SLC4A8: variants seen among roughly 807,000 people sequenced by gnomAD.
SLC4A8 encodes the protein electroneutral sodium bicarbonate exchanger 1.
A neutral mutation model predicts 125.0 loss-of-function variants in SLC4A8; 40 were observed. The ratio of observed to expected loss-of-function variants is 0.32; its 90% confidence interval spans 0.25 to 0.42. The LOEUF (loss-of-function observed/expected upper bound fraction) is 0.42. SLC4A8 is among the 10% of genes least tolerant of loss of function. The pLI, the probability that SLC4A8 is intolerant of heterozygous loss-of-function variation, is 1.00. For synonymous variants in SLC4A8, 456 were observed against 476.0 expected (o/e 0.96, Z 0.55); for missense variants, 863 against 1,355.1 (o/e 0.64, Z 5.70).
In SLC4A8 at chr12:51,453,469, C is replaced by T. The variant is rs1034119496; in HGVS notation, c.414-70C>T. ...TCCAGATATCTTCCTCTGTGGCTCA[C>T]ATCGAAGATTCTCTCTTAAAAATTC... is the stretch of plus-strand genomic sequence containing the variant. On this transcript the variant is annotated intron_variant, in intron 4 of 24. Coordinates refer to ENST00000453097, the MANE Select transcript of SLC4A8 (RefSeq NM_001039960.3). The T allele has an allele frequency of 1.5e-5, 22 of 1,473,606 alleles. No individual in the cohort carries two copies. In the African/African-American group the frequency reaches 3.1e-4, roughly 20 times the overall value. 91.3% of individuals were successfully genotyped at this position (1,473,606 alleles called of 1,614,324 possible).
At chr12:51,401,139 G>C (rs752808758) in intron 1 of SLC4A8, among the ~76,000 whole-genome samples, 1 of 152,050 alleles carries the variant, frequency 6.6e-6, no homozygotes, top group Non-Finnish European at 1.5e-5. Context: ...GAGACGGAGC[G>C]TTCCTCTGTC....
chr12:51,428,033 C>T (rs1949058249), intron 1 of SLC4A8, among the ~76,000 whole-genome samples: 1 of 152,200 alleles, frequency 6.6e-6, no homozygotes, highest in Admixed American at 6.5e-5. Context: ...CCTCCACTCT[C>T]TTTCTTGCAC....
In SLC4A8 at chr12:51,458,662, G is replaced by T; in HGVS notation, c.855+12G>T. 2 of 1,598,760 alleles carry T rather than the reference G, an allele frequency of 1.3e-6. No individual in the cohort carries two copies. Among genetic ancestry groups the T allele is most frequent in the Non-Finnish European group, 1.7e-6 (2 of 1,166,256 alleles). ...TGGATTTAAGCAAGGTGAGCAGAGT[G>T]GTGGGAAGTTGGCTTCAAGGCCTAA... On this transcript the variant is annotated intron_variant, in intron 7 of 24. Transcript: ENST00000453097.
chr12:51,461,394 T>C, intron 9 of SLC4A8, 103 bp downstream of exon 9: 1 of 714,372 alleles, frequency 1.4e-6, no homozygotes, highest in South Asian at 1.6e-5. Flanking sequence ...ATACTTTCCA[T>C]TGCAATATCT....
chr12:51,453,430 G>A (rs1399138195), intron 4 of SLC4A8, 109 bp from the exon 5 acceptor site: 2 of 1,126,262 alleles, frequency 1.8e-6, no homozygotes, highest in African/African-American at 1.6e-5. Context: ...ATTTTACAAT[G>A]TTCAGTATGA....
intron 22 of SLC4A8, among the ~76,000 whole-genome samples, chr12:51,503,506 C>T (rs907028799): frequency 3.9e-5 from 6 of 152,178 alleles, no homozygotes; most frequent in South Asian, 2.1e-4. Flanking sequence ...CCACCATGCC[C>T]GGCCTACCTT....
intron 8 of SLC4A8, among the ~76,000 whole-genome samples, chr12:51,460,997 C>T (rs544579654): frequency 6.6e-6 from 1 of 152,148 alleles, no homozygotes; most frequent in South Asian, 2.1e-4. Context: ...AATGATGCCG[C>T]ACAATAGCTT....
At chr12:51,404,360 C>G (rs1948450168) in intron 1 of SLC4A8, among the ~76,000 whole-genome samples, 1 of 152,294 alleles carries the variant, frequency 6.6e-6, no homozygotes. Flanking sequence ...TAGGGAACTA[C>G]CTTCCTTTGA....
chr12:51,473,417 G>T lies in SLC4A8; in HGVS notation c.1905-925G>T, dbSNP rs556608231. Among the ~76,000 whole-genome samples, 237 of 152,224 alleles carry T rather than the reference G, an allele frequency of 1.6e-3. 1 individual carries two copies. Among genetic ancestry groups the T allele is most frequent in the Admixed American group, 2.5e-3 (39 of 15,300 alleles). ...GTACTGAATAATATTCCATTGTCTG[G>T]ATGTACCACAGTTTAATTATTTGGA... On this transcript the variant is annotated intron_variant, in intron 14 of 24. Transcript: ENST00000453097.
In SLC4A8 at chr12:51,513,931, A is replaced by C. The variant is rs977980879; in HGVS notation, c.*6493A>C. The C allele has an allele frequency of 1.3e-5, 2 of 152,050 alleles. No individual in the cohort carries two copies. Among genetic ancestry groups the C allele is most frequent in the African/African-American group, 4.8e-5 (2 of 41,378 alleles). 9.4% of individuals were successfully genotyped at this position (152,050 alleles called of 1,614,324 possible). A position where few individuals can be genotyped will look rare whatever the true frequency, so the allele number is the denominator to read the frequency against. On this transcript the variant is annotated 3_prime_UTR_variant, in exon 25 of 25. Coordinates refer to ENST00000453097, the MANE Select transcript of SLC4A8 (RefSeq NM_001039960.3). ...AGTTCTTAGTCCTACTTTATTTTCT[A>C]CCCACTCAACTCTCCAGACTTCCCT...
intron 17 of SLC4A8, 41 bp from the exon 18 acceptor site, chr12:51,488,658 C>T (rs748645526): frequency 6.5e-7 from 1 of 1,538,804 alleles, no homozygotes; most frequent in Non-Finnish European, 8.9e-7. Flanking sequence ...ACCCCAATGA[C>T]TATAACTTAA....
intron 16 of SLC4A8, chr12:51,479,871 G>A (rs935666080): frequency 3.5e-6 from 1 of 283,268 alleles, no homozygotes. Flanking sequence ...CCCTTCTGAT[G>A]CCTAAACATA....
chr12:51,401,685 G>A (rs1367737104), intron 1 of SLC4A8, among the ~76,000 whole-genome samples: 1 of 152,140 alleles, frequency 6.6e-6, no homozygotes, highest in Non-Finnish European at 1.5e-5. Flanking sequence ...GGTGGGCCAC[G>A]GTGGTCTTGG....
intron 1 of SLC4A8, among the ~76,000 whole-genome samples, chr12:51,400,813 TATATGTTTATATA>T (rs1948375450): frequency 8.1e-6 from 1 of 123,532 alleles, no homozygotes; most frequent in African/African-American, 3.3e-5. Context: ...TATATAAACA[TATATGTTTATATA>T]CGTATATAAA....
At chr12:51,408,625 G>A (rs146442497) in intron 1 of SLC4A8, among the ~76,000 whole-genome samples, 11 of 152,310 alleles carry the variant, frequency 7.2e-5, no homozygotes, top group African/African-American at 2.4e-4. Context: ...GCTCAGGGGC[G>A]ACAGCGCAGG....
intron 5 of SLC4A8, among the ~76,000 whole-genome samples, chr12:51,454,930 C>T (rs1016853602): frequency 2.6e-5 from 1 of 37,910 alleles, no homozygotes; most frequent in African/African-American, 1.1e-4. Context: ...CAATACCTGG[C>T]TTTCCTAGGC....
intron 22 of SLC4A8, chr12:51,497,382 T>C (rs762343148): frequency 2.3e-5 from 9 of 396,994 alleles, no homozygotes; most frequent in Non-Finnish European, 3.6e-5. Context: ...AATGTGAACA[T>C]ACAGTATGCC....
At chr12:51,438,131 ATT>A (rs1377460333) in intron 1 of SLC4A8, among the ~76,000 whole-genome samples, 2 of 152,068 alleles carry the variant, frequency 1.3e-5, no homozygotes, top group African/African-American at 4.8e-5. Flanking sequence ...AACATTTATT[ATT>A]TCTTTGTGTT....
At chr12:51,396,132 G>T (rs1272508697) in intron 1 of SLC4A8, among the ~76,000 whole-genome samples, 2 of 152,212 alleles carry the variant, frequency 1.3e-5, no homozygotes, top group African/African-American at 4.8e-5. Flanking sequence ...AATAAGCAAA[G>T]TGCTTAACCC....
Sources: gnomAD v4.1 joint callset for allele counts (sites outside exome capture counted in the v4.1 genomes callset) on GRCh38, gnomAD v4.1.1 for gene constraint, MANE v1.5 for transcripts, NCBI Gene and HGNC (gene_info 2026-07-23, HGNC 2026-07-21) for gene names.